The following CRACR2A variants were observed in gnomAD, a reference collection of about 807,000 sequenced individuals.
The protein encoded by CRACR2A is calcium release activated channel regulator 2A, also known as EF-hand calcium-binding domain-containing protein 4B.
A neutral mutation model predicts 90.5 loss-of-function variants in CRACR2A; 79 were observed. The observed-to-expected ratio is 0.87, with a 90% CI of 0.73 to 1.05. The LOEUF is 1.05. CRACR2A is among the 50% of genes least tolerant of loss of function. The pLI is 0.00. For synonymous variants in CRACR2A, 338 were observed against 356.7 expected (o/e 0.95, Z 0.59); for missense variants, 823 against 897.2 (o/e 0.92, Z 1.06).
chr12:3,615,470 T>C, intron 19 of CRACR2A, 31 bp from the exon 20 acceptor site: 3 of 1,530,532 alleles, frequency 2.0e-6, no homozygotes, highest in Non-Finnish European at 2.6e-6. Context: ...GTGTCAGTGA[T>C]GGAGAAGTTG....
At chr12:3,621,652 A>AAAAAAAAAAAAAAAAAAAC (rs1944138904) in intron 17 of CRACR2A, among the ~76,000 whole-genome samples, 1 of 83,498 alleles carries the variant, frequency 1.2e-5, no homozygotes, top group Non-Finnish European at 2.5e-5. Flanking sequence ...CTCTGTCAAA[A>AAAAAAAAAAAAAAAAAAAC]AAAAAAAAAA....
intron 4 of CRACR2A, among the ~76,000 whole-genome samples, chr12:3,694,585 G>A (rs1275527681): frequency 6.6e-6 from 1 of 152,180 alleles, no homozygotes; most frequent in Non-Finnish European, 1.5e-5. Context: ...CAACACAGAT[G>A]CCTGGAGGAC....
chr12:3,662,172 C>T (rs1481476716), intron 7 of CRACR2A, among the ~76,000 whole-genome samples: 4 of 152,120 alleles, frequency 2.6e-5, no homozygotes, highest in African/African-American at 9.7e-5. Context: ...CATCAGAGAT[C>T]CTGGGCCCAA....
chr12:3,627,153 C>T (rs1359730232), intron 17 of CRACR2A, among the ~76,000 whole-genome samples: 1 of 152,160 alleles, frequency 6.6e-6, no homozygotes, highest in Admixed American at 6.5e-5. Context: ...TCAATCATGG[C>T]CCAGCAATGA....
intron 6 of CRACR2A, among the ~76,000 whole-genome samples, chr12:3,678,343 C>A (rs1403365287): frequency 6.6e-6 from 1 of 152,154 alleles, no homozygotes; most frequent in Non-Finnish European, 1.5e-5. Context: ...TAGTGGCCTG[C>A]TAAAAACTGC....
rs79695921 is a variant in CRACR2A, at chr12:3,634,607, C to G, written c.1603-871G>C. Among the ~76,000 whole-genome samples, 212 of 152,370 alleles carry G rather than the reference C, an allele frequency of 1.4e-3. 2 individuals carry two copies. The highest frequency in any genetic ancestry group is 4.9e-3 in the African/African-American group (203 of 41,600). ...TTCATTCCAGGAGCTGCCGCTCAAA[C>G]GCAGGCATCTTGCCTTCAGGCCCAG... is the stretch of plus-strand genomic sequence containing the variant. On this transcript the variant is annotated intron_variant, in intron 14 of 19. Transcript: ENST00000440314.
At chr12:3,657,290 G>T (rs1383088494) in intron 8 of CRACR2A, among the ~76,000 whole-genome samples, 2 of 152,264 alleles carry the variant, frequency 1.3e-5, no homozygotes, top group African/African-American at 2.4e-5. Context: ...TACAAAATGT[G>T]CAGGAAGAGA....
At chr12:3,687,006 C>A (rs1174411355) in intron 4 of CRACR2A, among the ~76,000 whole-genome samples, 1 of 152,246 alleles carries the variant, frequency 6.6e-6, no homozygotes, top group East Asian at 1.9e-4. Context: ...AAGCACCCTG[C>A]CCTTTCTCCC....
intron 2 of CRACR2A, among the ~76,000 whole-genome samples, chr12:3,721,373 A>AC: frequency 6.6e-6 from 1 of 151,258 alleles, no homozygotes; most frequent in East Asian, 1.9e-4. Flanking sequence ...GTCTCTACAA[A>AC]AAAAAAAAAG....
At chr12:3,625,036 C>T (rs1048305976) in intron 17 of CRACR2A, among the ~76,000 whole-genome samples, 1 of 152,094 alleles carries the variant, frequency 6.6e-6, no homozygotes, top group Non-Finnish European at 1.5e-5. Flanking sequence ...CTGATGTTCA[C>T]CCAGGTTTAG....
intron 7 of CRACR2A, among the ~76,000 whole-genome samples, chr12:3,662,365 T>C (rs1945052094): frequency 6.6e-6 from 1 of 152,232 alleles, no homozygotes; most frequent in South Asian, 2.1e-4. Context: ...TGCATTCTGA[T>C]CCCAGAACCA....
intron 18 of CRACR2A, 46 bp downstream of exon 18, chr12:3,619,225 T>A (rs1454919057): frequency 6.7e-7 from 1 of 1,498,478 alleles, no homozygotes; most frequent in Admixed American, 2.0e-5. Context: ...CCAACTTCCC[T>A]CGGGGTCACA....
At chr12:3,647,803 A>G in intron 11 of CRACR2A, 1 of 964,208 alleles carries the variant, frequency 1.0e-6, no homozygotes, top group South Asian at 4.8e-5. Context: ...TCAGAACCCA[A>G]AGTCCTTCTG....
At chr12:3,661,079 C>G (rs966888949) in intron 7 of CRACR2A, among the ~76,000 whole-genome samples, 1 of 152,154 alleles carries the variant, frequency 6.6e-6, no homozygotes, top group Non-Finnish European at 1.5e-5. Context: ...CCCCTAACTC[C>G]CATGTCCACT....
intron 10 of CRACR2A, among the ~76,000 whole-genome samples, chr12:3,653,354 G>C (rs1001005103): frequency 1.3e-5 from 2 of 152,134 alleles, no homozygotes; most frequent in Non-Finnish European, 2.9e-5. Context: ...TGCCCAGCAC[G>C]GTACCTAGCA....
Position 3,678,909 on chromosome 12 carries a change from A to G in CRACR2A, c.524+6T>C. ...CTCCGTTCTACAAATCACTGTCACC[A>G]CTTACTCTTCCAACACCTTTTGGGC... On this transcript the variant is annotated splice_donor_region_variant and intron_variant, in intron 6 of 19. Coordinates refer to ENST00000440314, the MANE Select transcript of CRACR2A (RefSeq NM_001144958.2). 1 of 1,599,206 alleles carries G rather than the reference A, an allele frequency of 6.3e-7. No individual in the cohort carries two copies. The highest frequency in any genetic ancestry group is 8.5e-7 in the Non-Finnish European group (1 of 1,173,822).
intron 8 of CRACR2A, 136 bp downstream of exon 8, chr12:3,659,428 C>A: frequency 1.5e-6 from 1 of 667,262 alleles, no homozygotes; most frequent in Non-Finnish European, 2.6e-6. Context: ...GTGATAAATG[C>A]CTTGAAAAAA....
intron 6 of CRACR2A, among the ~76,000 whole-genome samples, chr12:3,678,537 G>C (rs1006586547): frequency 6.6e-6 from 1 of 152,122 alleles, no homozygotes; most frequent in African/African-American, 2.4e-5. Flanking sequence ...GGAAGCCTTA[G>C]GGAGAACTCC....
intron 13 of CRACR2A, chr12:3,640,490 T>C (rs920461214): frequency 3.4e-6 from 4 of 1,193,852 alleles, no homozygotes; most frequent in Non-Finnish European, 1.1e-6. Context: ...TGGTACACAG[T>C]AGGTAATCAG....
Sources: allele counts gnomAD v4.1 joint callset (sites outside exome capture counted in the v4.1 genomes callset), GRCh38; gene constraint gnomAD v4.1.1; transcripts MANE v1.5; gene names NCBI Gene and HGNC (gene_info 2026-07-23, HGNC 2026-07-21).